CPNE9: variants seen among roughly 807,000 people sequenced by gnomAD.
The protein encoded by CPNE9 is copine-9.
In CPNE9, 59 loss-of-function variants were observed where a neutral mutation model predicts 83.0. That is an observed-to-expected ratio of 0.71 (90% CI 0.58 to 0.88). CPNE9 has a LOEUF of 0.88. Among genes scored for constraint, CPNE9 ranks in the 40% least tolerant of loss-of-function variants. The probability of loss-of-function intolerance (pLI) is 0.00; values close to 1 mark genes in which losing one functional copy is unlikely to be tolerated. For synonymous variants in CPNE9, 256 were observed against 273.4 expected (o/e 0.94, Z 0.63); for missense variants, 619 against 720.8 (o/e 0.86, Z 1.62).
At chr3:9,709,282 A>G (rs975025429) in intron 7 of CPNE9, among the ~76,000 whole-genome samples, 1 of 150,732 alleles carries the variant, frequency 6.6e-6, no homozygotes, top group Non-Finnish European at 1.5e-5. Context: ...TCTCAAAAAA[A>G]AAAAAACAAA....
chr3:9,726,192 G>A (rs2076783366), intron 18 of CPNE9, 141 bp downstream of exon 18: 1 of 560,580 alleles, frequency 1.8e-6, no homozygotes, highest in Non-Finnish European at 3.2e-6. Flanking sequence ...TCTTGGATTA[G>A]AGATAGAGGA....
At chr3:9,711,370 T>A (rs1035403066) in intron 7 of CPNE9, among the ~76,000 whole-genome samples, 15 of 143,574 alleles carry the variant, frequency 1.0e-4, no homozygotes, top group African/African-American at 3.7e-4. Context: ...GCCCAGCTAA[T>A]TTTTTCTTTT....
chr3:9,714,738 G>T (rs1005797975), intron 10 of CPNE9, among the ~76,000 whole-genome samples, 176 bp from the exon 11 acceptor site: 1 of 151,650 alleles, frequency 6.6e-6, no homozygotes, highest in African/African-American at 2.4e-5. Flanking sequence ...AGGTGGTTGG[G>T]TACAGGCACA....
At chr3:9,705,147 C>G in intron 4 of CPNE9, 153 bp downstream of exon 4, 1 of 679,242 alleles carries the variant, frequency 1.5e-6, no homozygotes, top group Non-Finnish European at 2.7e-6. Flanking sequence ...GAGCCCTGCC[C>G]TTTTATGAGA....
intron 7 of CPNE9, among the ~76,000 whole-genome samples, chr3:9,708,771 T>C (rs1009128503): frequency 6.6e-6 from 1 of 151,956 alleles, no homozygotes; most frequent in Non-Finnish European, 1.5e-5. Flanking sequence ...TAGCTGGGAC[T>C]ACAGGCACCC....
At chr3:9,722,671 C>T (rs756388230) in intron 17 of CPNE9, among the ~76,000 whole-genome samples, 2 of 152,218 alleles carry the variant, frequency 1.3e-5, no homozygotes, top group East Asian at 1.9e-4. Flanking sequence ...CATGTCACCA[C>T]GCCAGGCTAA....
chr3:9,714,639 T>TAAAAAAAAAA (rs34491669), intron 10 of CPNE9, among the ~76,000 whole-genome samples: 2 of 103,352 alleles, frequency 1.9e-5, no homozygotes, highest in African/African-American at 3.2e-5. Flanking sequence ...CTCAAAGTGG[T>TAAAAAAAAAA]AAAAAAAAAA....
chr3:9,727,734 C>T (rs1019866287), intron 20 of CPNE9, among the ~76,000 whole-genome samples: 1 of 152,124 alleles, frequency 6.6e-6, no homozygotes, highest in Admixed American at 6.5e-5. Flanking sequence ...TTGGAAAGCT[C>T]TTGAAGGATT....
rs369406771 is a variant in CPNE9 at position 9,713,934 on chromosome 3, G to A, written c.650+855G>A. Among the ~76,000 whole-genome samples the A allele has an allele frequency of 1.1e-4, 16 of 152,146 alleles. 1 individual carries two copies. Among genetic ancestry groups the A allele is most frequent in the African/African-American group, 3.4e-4 (14 of 41,492 alleles). On this transcript the variant is annotated intron_variant, in intron 10 of 20. Coordinates refer to ENST00000383832, the MANE Select transcript of CPNE9 (RefSeq NM_153635.3). Reference sequence around the variant, plus strand: ...AAAATACAAAAAAAATTAGCCGGGCGTGGTGGTGGGCGCCTGTAGTTCCAG... The same window carrying A: ...AAAATACAAAAAAAATTAGCCGGGCATGGTGGTGGGCGCCTGTAGTTCCAG...
chr3:9,705,746 G>T, intron 6 of CPNE9, 26 bp downstream of exon 6: 1 of 1,612,186 alleles, frequency 6.2e-7, no homozygotes, highest in Non-Finnish European at 8.5e-7. Flanking sequence ...GCTGGGCAGA[G>T]GTTGGGGGTG....
At chr3:9,705,054 C>T in intron 4 of CPNE9, 60 bp downstream of exon 4, 2 of 1,282,374 alleles carry the variant, frequency 1.6e-6, no homozygotes, top group South Asian at 1.3e-5. Context: ...GCCCGGAATT[C>T]TGGCTGGCCC....
In CPNE9 at chr3:9,705,977, T is replaced by C. The variant is rs370821548; in HGVS notation, c.301-10T>C. The C allele has an allele frequency of 5.6e-6, 9 of 1,612,866 alleles. No homozygotes were observed. Among genetic ancestry groups the C allele is most frequent in the Admixed American group, 5.0e-5 (3 of 60,006 alleles). ...AGCTTCTGGTCTTGCTGACTCCTTGTCCTGCATAGGATTTCCTGGGACAAG... is the reference window on the plus strand; with the variant it reads ...AGCTTCTGGTCTTGCTGACTCCTTGCCCTGCATAGGATTTCCTGGGACAAG... On this transcript the variant is annotated splice_polypyrimidine_tract_variant and intron_variant, in intron 6 of 20. Transcript: ENST00000383832.
chr3:9,725,588 A>G (rs1047768388), intron 17 of CPNE9, among the ~76,000 whole-genome samples: 10 of 146,096 alleles, frequency 6.8e-5, no homozygotes, highest in Non-Finnish European at 1.4e-4. Flanking sequence ...ATATATGTGT[A>G]TATATATGTG....
chr3:9,726,983 G>A, intron 19 of CPNE9, 130 bp from the exon 20 acceptor site: 3 of 976,620 alleles, frequency 3.1e-6, no homozygotes, highest in Admixed American at 1.9e-5. Flanking sequence ...AACGAAGACT[G>A]ATATTTGTAG....
chr3:9,724,461 A>G (rs1212138032), intron 17 of CPNE9, among the ~76,000 whole-genome samples: 3 of 152,162 alleles, frequency 2.0e-5, no homozygotes, highest in African/African-American at 4.8e-5. Context: ...TCGCTCATAT[A>G]TAAACATCAA....
intron 19 of CPNE9, 120 bp from the exon 20 acceptor site, chr3:9,726,993 G>A: frequency 9.6e-7 from 1 of 1,037,162 alleles, no homozygotes; most frequent in Non-Finnish European, 1.5e-6. Flanking sequence ...GATATTTGTA[G>A]GACTTGATCA....
Position 9,706,275 on chromosome 3 carries a change from TTC to T in CPNE9, c.377+226_377+227del, listed in dbSNP as rs564819160. ...ATGTCTTTTCTTTTCTTTTTTTTTT[TTC>T]TCTCTCTCTCTCTGTTTCTCTCTCT... On this transcript the variant is annotated intron_variant, in intron 7 of 20. Coordinates refer to ENST00000383832, the MANE Select transcript of CPNE9 (RefSeq NM_153635.3). Among the ~76,000 whole-genome samples the T allele has an allele frequency of 3.1e-3, 465 of 150,394 alleles. 2 individuals are homozygous for T. The highest frequency in any genetic ancestry group is 5.3e-3 in the Non-Finnish European group (359 of 67,620).
Position 9,726,677 on chromosome 3 carries a change from C to T in CPNE9, c.1357C>T (p.Pro453Ser). The T allele has an allele frequency of 6.2e-7, 1 of 1,613,914 alleles. No homozygotes were observed. Among genetic ancestry groups the T allele is most frequent in the South Asian group, 1.1e-5 (1 of 91,076 alleles). The change falls in exon 19 of 21, where the codon CCC becomes TCC. Residue 453 changes from proline (P) to serine (S), a missense_variant. By Grantham distance (74) the Pro-to-Ser change is moderately conservative. Around this residue, in one of 3 missense-constraint regions of CPNE9, gnomAD observed 438 missense variants for 562.9 expected, o/e 0.78. Transcript: ENST00000383832. ...KEAIVSASSL[P>S]MSIIIVGVGP... ...CTTTCCCCTACAGGCCTCCTCATTG[C>T]CCATGTCTATCATTATCGTCGGTGT...
intron 15 of CPNE9, 68 bp downstream of exon 15, chr3:9,717,172 C>A: frequency 6.6e-7 from 1 of 1,522,216 alleles, no homozygotes; most frequent in Non-Finnish European, 9.1e-7. Flanking sequence ...TAGGAGTTGG[C>A]CTGGATTCCT....
Sources: allele counts gnomAD v4.1 joint callset (sites outside exome capture counted in the v4.1 genomes callset), GRCh38; gene constraint gnomAD v4.1.1; regional missense constraint gnomAD v4.1.1; transcripts MANE v1.5; gene names NCBI Gene and HGNC (gene_info 2026-07-23, HGNC 2026-07-21).